The following MSN variants were observed in gnomAD, a reference collection of about 807,000 sequenced individuals.
MSN encodes the protein moesin.
Under a neutral mutation model 48.0 loss-of-function variants are expected in MSN, and 2 were observed. The observed-to-expected ratio is 0.04, with a 90% CI of 0.02 to 0.13. MSN has a LOEUF of 0.13. Among genes scored for constraint, MSN ranks in the 10% least tolerant of loss-of-function variants. The pLI is 1.00. For synonymous variants in MSN, 146 were observed against 166.9 expected, an observed-to-expected ratio of 0.87 and a Z score of 0.97; for missense variants, 267 against 470.1, an observed-to-expected ratio of 0.57 and a Z score of 3.99.
intron 1 of MSN, among the ~76,000 whole-genome samples, chrX:65,668,750 T>C (rs775933999): frequency 3.0e-4 from 33 of 111,551 alleles, no homozygotes; most frequent in Non-Finnish European, 6.2e-4. Context: ...GCCTGACTAA[T>C]GAGCTCTGCT....
intron 7 of MSN, among the ~76,000 whole-genome samples, 166 bp downstream of exon 7, chrX:65,733,446 A>G (rs1183525732): frequency 2.7e-5 from 3 of 111,707 alleles, no homozygotes; most frequent in Non-Finnish European, 5.7e-5. Context: ...ATGGAGGGGG[A>G]TGTTGATGCC....
intron 1 of MSN, among the ~76,000 whole-genome samples, chrX:65,681,793 A>G (rs2071057892): frequency 8.9e-6 from 1 of 112,466 alleles, no homozygotes; most frequent in South Asian, 3.6e-4. Context: ...ACACTCCAGT[A>G]TGTTTGTTCC....
At chrX:65,670,215 C>G (rs1477618832) in intron 1 of MSN, among the ~76,000 whole-genome samples, 1 of 111,857 alleles carries the variant, frequency 8.9e-6, no homozygotes, top group Non-Finnish European at 1.9e-5. Flanking sequence ...TGAATACCAA[C>G]CAGTAATTTT....
intron 1 of MSN, among the ~76,000 whole-genome samples, chrX:65,612,334 G>A (rs974305059): frequency 9.0e-6 from 1 of 110,796 alleles, no homozygotes; most frequent in African/African-American, 3.3e-5. Context: ...CTTGGACTTC[G>A]TAGCCTCCAC....
At chrX:65,604,752 A>G (rs2070264536) in intron 1 of MSN, among the ~76,000 whole-genome samples, 1 of 111,752 alleles carries the variant, frequency 8.9e-6, no homozygotes, top group African/African-American at 3.3e-5. Context: ...TCAATCTATT[A>G]TCAAAGTCCA....
At chrX:65,711,613 C>T (rs746919690) in intron 1 of MSN, among the ~76,000 whole-genome samples, 16 of 112,174 alleles carry the variant, frequency 1.4e-4, no homozygotes, top group Admixed American at 2.8e-4. Flanking sequence ...ACCTAGTGCT[C>T]GGTAATTACT....
chrX:65,638,700 G>A (rs1042912029), intron 1 of MSN, among the ~76,000 whole-genome samples: 4 of 112,339 alleles, frequency 3.6e-5, no homozygotes, highest in Admixed American at 9.5e-5. Context: ...GATTAGAAGT[G>A]TGCGCCCATG....
chrX:65,665,938 C>T (rs750908033), upstream of MSN, among the ~76,000 whole-genome samples: 2 of 112,264 alleles, frequency 1.8e-5, no homozygotes, highest in African/African-American at 3.2e-5. Context: ...CAGACCATGC[C>T]TTCACATGGT....
intron 1 of MSN, among the ~76,000 whole-genome samples, chrX:65,695,732 C>G (rs1436015680): frequency 2.7e-5 from 3 of 110,312 alleles, no homozygotes; most frequent in African/African-American, 1.0e-4. Context: ...GGATTTCTGT[C>G]TCTGATTGTG....
chrX:65,630,926 T>C (rs1018995827), intron 1 of MSN, among the ~76,000 whole-genome samples: 4 of 111,409 alleles, frequency 3.6e-5, no homozygotes, highest in African/African-American at 1.3e-4. Context: ...CCTGCATTTT[T>C]CCTCAGTTAC....
At chrX:65,663,091 C>G (rs915086552), upstream of MSN, among the ~76,000 whole-genome samples, 2 of 111,095 alleles carry the variant, frequency 1.8e-5, no homozygotes, top group Admixed American at 1.9e-4. Flanking sequence ...AACCCTGTCT[C>G]TACTAAAAAT....
chrX:65,657,408 C>T (rs1328146665), intron 1 of MSN, among the ~76,000 whole-genome samples: 3 of 110,059 alleles, frequency 2.7e-5, no homozygotes, highest in African/African-American at 9.9e-5. Flanking sequence ...TCTCTGGGCA[C>T]ATGCAGACTG....
At chrX:65,735,220 C>T in intron 7 of MSN, 47 bp from the exon 8 acceptor site, 1 of 1,189,824 alleles carries the variant, frequency 8.4e-7, no homozygotes, top group Non-Finnish European at 1.1e-6. Context: ...AGAAGATCAC[C>T]TTCACCTGTC....
intron 1 of MSN, among the ~76,000 whole-genome samples, chrX:65,618,306 G>A (rs1310132434): frequency 9.0e-6 from 1 of 111,104 alleles, no homozygotes; most frequent in Non-Finnish European, 1.9e-5. Flanking sequence ...TGACAGTGGG[G>A]TGTTAAAGTC....
chrX:65,733,419 A>G, intron 7 of MSN, 139 bp downstream of exon 7: 1 of 483,889 alleles, frequency 2.1e-6, no homozygotes, highest in South Asian at 3.5e-5. Context: ...AACAGGAAGC[A>G]CAAATAGAGA....
intron 1 of MSN, among the ~76,000 whole-genome samples, chrX:65,711,420 T>A (rs2071414398): frequency 8.9e-6 from 1 of 111,781 alleles, no homozygotes; most frequent in South Asian, 3.7e-4. Context: ...GGTCTCGAAC[T>A]CCTGACCTCA....
chrX:65,736,443 T>C (rs1190730016), intron 8 of MSN, among the ~76,000 whole-genome samples: 1 of 108,548 alleles, frequency 9.2e-6, no homozygotes, highest in African/African-American at 3.4e-5. Context: ...CAGGCTTTTT[T>C]TTTTTTTTTT....
chrX:65,610,047 G>T (rs1309019323), intron 1 of MSN, among the ~76,000 whole-genome samples: 1 of 111,638 alleles, frequency 9.0e-6, no homozygotes, highest in Non-Finnish European at 1.9e-5. Context: ...TATATTTATT[G>T]TACCCGTTAT....
chrX:65,740,023 A>G lies in MSN; in HGVS notation c.*130A>G, dbSNP rs368747210. The G allele has an allele frequency of 2.7e-6, 2 of 751,110 alleles. No homozygotes were observed. The highest frequency in any genetic ancestry group is 1.9e-6 in the Non-Finnish European group (1 of 532,355). 61.9% of individuals were successfully genotyped at this position (751,110 alleles called of 1,213,427 possible). ...GCCCTGGAGTCATGCCAAGCATTTA[A>G]TGTAGCCATGGGACCAAACCTAGCC... is the stretch of plus-strand genomic sequence containing the variant. On this transcript the variant is annotated 3_prime_UTR_variant, in exon 13 of 13. Transcript: ENST00000360270.
Sources: gnomAD v4.1 joint callset for allele counts (sites outside exome capture counted in the v4.1 genomes callset) on GRCh38, gnomAD v4.1.1 for gene constraint, MANE v1.5 for transcripts, NCBI Gene and HGNC (gene_info 2026-07-23, HGNC 2026-07-21) for gene names.